FRAS1: variants seen among roughly 807,000 people sequenced by gnomAD.
FRAS1 encodes Fraser extracellular matrix complex subunit 1.
FRAS1 carries 290 observed loss-of-function variants against 435.2 expected under a neutral mutation model. That is an observed-to-expected ratio of 0.67 (90% confidence interval 0.61 to 0.73). The LOEUF (loss-of-function observed/expected upper bound fraction) is 0.73, where lower values mean the gene tolerates loss of function less well. Among genes scored for constraint, FRAS1 ranks in the 30% least tolerant of loss-of-function variants. The pLI is 0.00. For synonymous variants in FRAS1, 1,800 were observed against 1,851.0 expected (o/e 0.97, Z 0.71); for missense variants, 4,860 against 5,001.5 (o/e 0.97, Z 0.85).
intron 6 of FRAS1, among the ~76,000 whole-genome samples, chr4:78,260,752 T>G (rs1241945633): frequency 6.6e-6 from 1 of 152,068 alleles, no homozygotes; most frequent in Admixed American, 6.6e-5. Context: ...TGAATAGGAG[T>G]GGTGAGAGAG....
chr4:78,160,408 G>A (rs1460325727), intron 2 of FRAS1, among the ~76,000 whole-genome samples: 5 of 152,218 alleles, frequency 3.3e-5, no homozygotes, highest in South Asian at 4.2e-4. Context: ...AGGAAAATCC[G>A]ACTTTCTGAT....
At chr4:78,371,398 G>C (rs1731499864) in intron 23 of FRAS1, among the ~76,000 whole-genome samples, 1 of 152,168 alleles carries the variant, frequency 6.6e-6, no homozygotes, top group Non-Finnish European at 1.5e-5. Flanking sequence ...GGAATGGAAG[G>C]TGAGATCGAG....
chr4:78,475,120 T>C (rs1719817571), intron 53 of FRAS1, among the ~76,000 whole-genome samples: 1 of 152,150 alleles, frequency 6.6e-6, no homozygotes, highest in African/African-American at 2.4e-5. Flanking sequence ...AGGGAGAGAT[T>C]GTTTTTCCTT....
chr4:78,537,396 C>T (rs1458374781), intron 72 of FRAS1, among the ~76,000 whole-genome samples, 196 bp downstream of exon 72: 1 of 152,184 alleles, frequency 6.6e-6, no homozygotes, highest in Non-Finnish European at 1.5e-5. Context: ...GACAAACTTC[C>T]ATTGATGTCC....
At position 78,267,252 on chromosome 4, in the gene FRAS1, G is replaced by A. The variant is rs1726406139; in HGVS notation, c.801G>A (p.Arg267=). Residue 267 remains arginine (R), a synonymous_variant, in exon 9 of 74, where the codon AGG becomes AGA. Transcript: ENST00000512123. ...TCTCTGTGTCCTAGGGTCAGAGCAGGGCTCGGCGTCATGGGCAATGCTGTG... is the reference window on the plus strand; with the variant it reads ...TCTCTGTGTCCTAGGGTCAGAGCAGAGCTCGGCGTCATGGGCAATGCTGTG... ...LPLRCGKGQS[R]ARRHGQCCEE... The A allele has an allele frequency of 3.7e-6, 6 of 1,613,598 alleles. No homozygotes were observed. The highest frequency in any genetic ancestry group is 5.1e-6 in the Non-Finnish European group (6 of 1,179,768).
intron 18 of FRAS1, 47 bp downstream of exon 18, chr4:78,319,033 T>C (rs1158978875): frequency 6.3e-7 from 1 of 1,581,886 alleles, no homozygotes; most frequent in African/African-American, 1.3e-5. Flanking sequence ...GGCTTATCTC[T>C]TGAGAGATCC....
chr4:78,271,023 A>G (rs1396957028), intron 9 of FRAS1, among the ~76,000 whole-genome samples: 1 of 152,200 alleles, frequency 6.6e-6, no homozygotes, highest in African/African-American at 2.4e-5. Flanking sequence ...AAAATTTTGA[A>G]GGCTCAAGAA....
At position 78,257,604 on chromosome 4, in the gene FRAS1, A is replaced by T. The variant is rs17003087; in HGVS notation, c.603+2229A>T. On this transcript the variant is annotated intron_variant, in intron 6 of 73. Coordinates refer to ENST00000512123, the MANE Select transcript of FRAS1 (RefSeq NM_025074.7). ...TGTAATCATTAAGGAAAGTTTGGCA[A>T]GGGTGGACAAGCTGAAAGGAAAACA... Among the ~76,000 whole-genome samples the T allele has an allele frequency of 6.6e-4, 101 of 152,326 alleles. 1 individual carries two copies. Among genetic ancestry groups the T allele is most frequent in the African/African-American group, 2.2e-3 (93 of 41,572 alleles).
chr4:78,510,028 C>A (rs1308289229), intron 63 of FRAS1, among the ~76,000 whole-genome samples: 1 of 152,168 alleles, frequency 6.6e-6, no homozygotes, highest in Non-Finnish European at 1.5e-5. Context: ...CATACCCACT[C>A]TCTTTGGCAC....
chr4:78,448,403 T>TG, intron 44 of FRAS1, 87 bp downstream of exon 44: 1 of 1,263,520 alleles, frequency 7.9e-7, no homozygotes, highest in Non-Finnish European at 1.1e-6. Context: ...TCCATGTTAG[T>TG]GATGTGGGTG....
intron 64 of FRAS1, 22 bp downstream of exon 64, chr4:78,511,528 AC>A (rs1721040699): frequency 6.5e-7 from 1 of 1,536,408 alleles, no homozygotes; most frequent in African/African-American, 1.4e-5. Context: ...GGTGCCTTCC[AC>A]CACACATAGA....
chr4:78,502,324 C>T (rs559125790), intron 61 of FRAS1, among the ~76,000 whole-genome samples: 2 of 152,302 alleles, frequency 1.3e-5, no homozygotes, highest in Non-Finnish European at 2.9e-5. Flanking sequence ...TGGCCATTTT[C>T]ACGATATTGA....
intron 32 of FRAS1, among the ~76,000 whole-genome samples, chr4:78,417,841 G>T (rs1335509400): frequency 1.3e-5 from 2 of 152,230 alleles, no homozygotes; most frequent in Non-Finnish European, 2.9e-5. Context: ...AAGAGCAGGA[G>T]AGCATGTCAC....
At chr4:78,197,789 A>G (rs191987498) in intron 2 of FRAS1, among the ~76,000 whole-genome samples, 6 of 152,108 alleles carry the variant, frequency 3.9e-5, no homozygotes, top group Admixed American at 3.3e-4. Context: ...AAAATACAAA[A>G]AATTAGCTGG....
chr4:78,063,247 C>T (rs565332550), intron 1 of FRAS1, among the ~76,000 whole-genome samples: 1 of 152,266 alleles, frequency 6.6e-6, no homozygotes, highest in Admixed American at 6.5e-5. Context: ...GTCAACAAAC[C>T]CCTCAACTTC....
chr4:78,386,578 G>T (rs1484314877), intron 28 of FRAS1, among the ~76,000 whole-genome samples: 1 of 152,142 alleles, frequency 6.6e-6, no homozygotes, highest in Non-Finnish European at 1.5e-5. Context: ...AAAGCAGTGT[G>T]TTGAGAAAAG....
intron 12 of FRAS1, among the ~76,000 whole-genome samples, chr4:78,283,350 T>C (rs1727422399): frequency 1.3e-5 from 2 of 152,248 alleles, no homozygotes; most frequent in African/African-American, 4.8e-5. Context: ...TTATGGGTGT[T>C]CTTTGTTCTT....
intron 19 of FRAS1, among the ~76,000 whole-genome samples, chr4:78,336,946 A>T (rs1402173828): frequency 1.3e-5 from 2 of 151,928 alleles, no homozygotes; most frequent in African/African-American, 4.8e-5. Flanking sequence ...TGCCACCCTT[A>T]TCCTTATTGC....
intron 58 of FRAS1, 32 bp from the exon 59 acceptor site, chr4:78,488,843 T>C (rs1496603): frequency 0.79 from 1,254,366 of 1,592,346 alleles, 498,779 homozygotes; most frequent in East Asian, 1. Flanking sequence ...CTTCCACTAA[T>C]GGTGCGTCTG....
Sources: gnomAD v4.1 joint callset for allele counts (sites outside exome capture counted in the v4.1 genomes callset) on GRCh38, gnomAD v4.1.1 for gene constraint, MANE v1.5 for transcripts, NCBI Gene and HGNC (gene_info 2026-07-23, HGNC 2026-07-21) for gene names.